The following PLEC variants were observed in gnomAD, a reference collection of about 807,000 sequenced individuals.
PLEC encodes the protein hemidesmosomal protein 1.
A neutral mutation model predicts 392.8 loss-of-function variants in PLEC; 216 were observed. The observed-to-expected ratio is 0.55, with a 90% CI of 0.49 to 0.62. PLEC has a LOEUF of 0.62. PLEC is among the 20% of genes least tolerant of loss of function. The pLI, the probability that PLEC is intolerant of heterozygous loss-of-function variation, is 0.00. For missense variants in PLEC, 6,863 were observed against 6,563.4 expected (o/e 1.05, Z -1.58); for synonymous variants, 3,621 against 2,980.6 (o/e 1.21, Z -7.00).
At chr8:143,968,595 T>C (rs1833247327) in intron 1 of PLEC, among the ~76,000 whole-genome samples, 1 of 149,066 alleles carries the variant, frequency 6.7e-6, no homozygotes, top group Admixed American at 6.7e-5. Flanking sequence ...CAGAAAATGT[T>C]TGCAAATCAT....
intron 1 of PLEC, among the ~76,000 whole-genome samples, chr8:143,971,867 C>T (rs1833447310): frequency 6.6e-6 from 1 of 152,030 alleles, no homozygotes; most frequent in South Asian, 2.1e-4. Flanking sequence ...GTGTGCCCAA[C>T]ACCAATCCTG....
chr8:143,916,135 C>T lies in PLEC; in HGVS notation c.*42G>A, dbSNP rs1820418883. 2.1e-6 allele frequency: 3 copies of T among 1,454,602 alleles called. No individual in the cohort carries two copies. Among genetic ancestry groups the T allele is most frequent in the Non-Finnish European group, 2.7e-6 (3 of 1,103,310 alleles). 90.1% of individuals were successfully genotyped at this position (1,454,602 alleles called of 1,614,324 possible). The stretch of plus-strand genomic sequence containing the variant: ...AACGGCCCCCGCGCCTCGGTGGGAG[C>T]CGGGCTGGGCCGCATGCAGAGCGGG... On this transcript the variant is annotated 3_prime_UTR_variant, in exon 32 of 32. Coordinates refer to ENST00000345136, the MANE Select transcript of PLEC (RefSeq NM_201384.3).
At chr8:143,974,464 C>A (rs1587435634), upstream of PLEC, among the ~76,000 whole-genome samples, 4 of 152,356 alleles carry the variant, frequency 2.6e-5, no homozygotes, top group African/African-American at 9.6e-5. This position sits in a 1 kb window ranked among gnomAD's most constrained non-coding sequence, Gnocchi z 5.9. Flanking sequence ...GAGCTGGGTG[C>A]ACAGCAGTGA....
upstream of PLEC, among the ~76,000 whole-genome samples, chr8:143,974,898 A>G (rs1161866080): frequency 1.3e-5 from 2 of 152,202 alleles, no homozygotes; most frequent in Non-Finnish European, 2.9e-5. This position sits in a 1 kb window ranked among gnomAD's most constrained non-coding sequence, Gnocchi z 5.9. Flanking sequence ...GGGGAACCCA[A>G]AAAATTATCC....
intron 23 of PLEC, 32 bp from the exon 24 acceptor site, chr8:143,929,603 C>A: frequency 6.2e-7 from 1 of 1,611,118 alleles, no homozygotes; most frequent in Non-Finnish European, 8.5e-7. Context: ...CTCCACCGCC[C>A]ACCTCGCACC....
intron 1 of PLEC, among the ~76,000 whole-genome samples, chr8:143,967,089 C>T (rs1181579884): frequency 2.0e-5 from 3 of 152,036 alleles, no homozygotes; most frequent in Non-Finnish European, 4.4e-5. Context: ...TTAGGCCAGG[C>T]GCGGTGGCTC....
chr8:143,917,211 C>G lies in PLEC; in HGVS notation c.12610G>C (p.Asp4204His), dbSNP rs781906543. 4.4e-5 allele frequency: 71 copies of G among 1,612,980 alleles called. No homozygotes were observed. The highest frequency in any genetic ancestry group is 5.8e-5 in the Non-Finnish European group (69 of 1,179,766). Residue 4204 changes from aspartate to histidine, a missense_variant, in exon 32 of 32, where the codon GAC (aspartate) becomes CAC (histidine). Asp to His is a moderately conservative substitution (Grantham distance 81). Coordinates refer to ENST00000345136, the MANE Select transcript of PLEC (RefSeq NM_201384.3). ...TTCTTGGCGATGGCATCATCGATGT[C>G]GTACTGGCGCCCGGAGCGGCGGTCG... ...IIDRRSGRQY[D>H]IDDAIAKNLI...
At position 143,926,773 on chromosome 8, in the gene PLEC, A is replaced by G. The variant is rs1227242785; in HGVS notation, c.4044+11T>C. The G allele has an allele frequency of 3.1e-6, 5 of 1,609,212 alleles. No homozygotes were observed. The highest frequency in any genetic ancestry group is 2.2e-5 in the East Asian group (1 of 44,842). ...GAACCCTCTGCCCAGCCTCCGCCCA[A>G]CGGGCTGTACCTCCTCCTCCTCCAT... On this transcript the variant is annotated intron_variant, in intron 30 of 31. Transcript: ENST00000345136.
At chr8:143,952,807 G>A (rs1482148837), upstream of PLEC, among the ~76,000 whole-genome samples, 3 of 151,936 alleles carry the variant, frequency 2.0e-5, no homozygotes, top group African/African-American at 7.2e-5. Flanking sequence ...CCCCCAAGCC[G>A]GCTCCGGGCA....
intron 1 of PLEC, among the ~76,000 whole-genome samples, chr8:143,970,711 C>A (rs1833381833): frequency 6.6e-6 from 1 of 152,206 alleles, no homozygotes; most frequent in Admixed American, 6.5e-5. Context: ...CCTCCACTCA[C>A]CTGCATTGCC....
chr8:143,922,275 G>A lies in PLEC; in HGVS notation c.7546C>T (p.Leu2516=), dbSNP rs1554689140. The change falls in exon 32 of 32, where the codon CTG becomes TTG. Residue 2516 remains leucine, a synonymous_variant. Coordinates refer to ENST00000345136, the MANE Select transcript of PLEC (RefSeq NM_201384.3). The part of the protein sequence containing the change: ...ERFIEQEKAK[L]EQLFQDEVAK... ...ACCTCGTCCTGGAAGAGCTGCTCCAGCTTGGCCTTCTCCTGCTCGATGAAG... is the reference window on the plus strand; with the variant it reads ...ACCTCGTCCTGGAAGAGCTGCTCCAACTTGGCCTTCTCCTGCTCGATGAAG... The A allele has an allele frequency of 6.2e-7, 1 of 1,604,862 alleles. No individual in the cohort carries two copies. Among genetic ancestry groups the A allele is most frequent in the South Asian group, 1.1e-5 (1 of 90,560 alleles).
At position 143,929,526 on chromosome 8, in the gene PLEC, T is replaced by C. The variant is rs782691520; in HGVS notation, c.2969A>G (p.Lys990Arg). 2.5e-6 allele frequency: 4 copies of C among 1,612,632 alleles called. No homozygotes were observed. The African/African-American group carries it at 4.0e-5, about 16-fold the overall frequency. Residue 990 changes from lysine (K) to arginine (R), a missense_variant, in exon 24 of 32, where the codon AAA (lysine) becomes AGA (arginine). Coordinates refer to ENST00000345136, the MANE Select transcript of PLEC (RefSeq NM_201384.3). ...GGCCTCCAGCTGCAGCCGGATGTCT[T>C]TGAGCTCGGAGATGCAGCGCTGGCA... is the stretch of plus-strand genomic sequence containing the variant. The part of the protein sequence containing the change: ...SRCQRCISEL[K>R]DIRLQLEACE...
chr8:143,945,567 G>A (rs1435578815), intron 1 of PLEC, among the ~76,000 whole-genome samples: 1 of 152,186 alleles, frequency 6.6e-6, no homozygotes, highest in Non-Finnish European at 1.5e-5. Context: ...ATTCCACAGC[G>A]TCGCTCCTGG....
intron 1 of PLEC, chr8:143,945,202 A>G (rs782075028): frequency 4.1e-6 from 2 of 487,160 alleles, no homozygotes; most frequent in South Asian, 3.1e-5. Context: ...GCCACCCCAA[A>G]GTCACGCGCA....
chr8:143,934,687 G>A lies in PLEC; in HGVS notation c.989C>T (p.Pro330Leu). The change falls in exon 10 of 32, where the codon CCA (proline) becomes CTA (leucine). Residue 330 changes from proline to leucine, a missense_variant. Physicochemically the swap from Pro to Leu is moderately conservative, Grantham distance 98. Transcript: ENST00000345136. ...QFLKFKEMEL[P>L]AKEADKNRSK... ...CCTGTTCTTGTCGGCCTCCTTGGCT[G>A]GTAGCTCCATCTCCTTAAACTTCAG... The A allele has an allele frequency of 6.2e-7, 1 of 1,612,990 alleles. No homozygotes were observed. The highest frequency in any genetic ancestry group is 1.3e-5 in the African/African-American group (1 of 75,044).
At chr8:143,945,363 C>T in intron 1 of PLEC, 1 of 342,194 alleles carries the variant, frequency 2.9e-6, no homozygotes, top group South Asian at 2.2e-5. Flanking sequence ...AGTCCCGAAG[C>T]CCTGCTCTGT....
chr8:143,954,051 G>A (rs1197824238), upstream of PLEC: 4 of 682,158 alleles, frequency 5.9e-6, no homozygotes, highest in East Asian at 3.4e-5. This position sits in a 1 kb window ranked among gnomAD's most constrained non-coding sequence, Gnocchi z 4.6. Flanking sequence ...CCGGATCCAG[G>A]AGCGCTCGGA....
In PLEC at chr8:143,920,339, C is replaced by G; in HGVS notation, c.9482G>C (p.Gly3161Ala). 6.3e-7 allele frequency: 1 copy of G among 1,593,588 alleles called. No homozygotes were observed. Among genetic ancestry groups the G allele is most frequent in the Non-Finnish European group, 8.5e-7 (1 of 1,175,378 alleles). ...RVPLDVACAR[G>A]CLDEETSRAL... ...CCTGCTGGTCTCCTCATCCAGGCAG[C>G]CTCGGGCGCAGGCGACATCCAGGGG... The change falls in exon 32 of 32, where the codon GGC becomes GCC. Residue 3161 changes from glycine to alanine, a missense_variant. By Grantham distance (60) the Gly-to-Ala change is moderately conservative. Transcript: ENST00000345136.
chr8:143,973,888 T>C (rs782265425), upstream of PLEC, among the ~76,000 whole-genome samples: 2 of 151,878 alleles, frequency 1.3e-5, no homozygotes, highest in African/African-American at 4.8e-5. The surrounding 1 kb of genome is among the most constrained non-coding windows in gnomAD (Gnocchi z 5.6). Flanking sequence ...CTGAGAACTT[T>C]CCCATTGCAA....
Sources: gnomAD v4.1 joint callset for allele counts (sites outside exome capture counted in the v4.1 genomes callset) on GRCh38, gnomAD v4.1.1 for gene constraint, Gnocchi (gnomAD v3.1) non-coding constraint, MANE v1.5 for transcripts, NCBI Gene and HGNC (gene_info 2026-07-23, HGNC 2026-07-21) for gene names.